The following ACYP2 variants were observed in gnomAD, a reference collection of about 807,000 sequenced individuals.
The protein encoded by ACYP2 is acylphosphatase 2.
A neutral mutation model predicts 11.2 loss-of-function variants in ACYP2; 12 were observed. The observed-to-expected ratio is 1.08, with a 90% CI of 0.69 to 1.74. The LOEUF (loss-of-function observed/expected upper bound fraction) is 1.74. Ranked by LOEUF, ACYP2 falls within the 40% of genes most tolerant of loss-of-function variation. ACYP2 has a pLI of 0.00. For synonymous variants in ACYP2, 43 were observed against 32.2 expected, an observed-to-expected ratio of 1.33 and a Z score of -1.13; for missense variants, 134 against 101.9, an observed-to-expected ratio of 1.31 and a Z score of -1.35.
chr2:54,148,686 G>A (rs1300801332), intron 6 of ACYP2, among the ~76,000 whole-genome samples: 2 of 152,190 alleles, frequency 1.3e-5, no homozygotes, highest in African/African-American at 4.8e-5. Context: ...GGGAGAAGTT[G>A]TGTAATGACA....
At chr2:54,138,539 T>A in intron 5 of ACYP2, 100 bp from the exon 3 acceptor site, 2 of 861,734 alleles carry the variant, frequency 2.3e-6, no homozygotes, top group East Asian at 5.5e-5. Context: ...CTACAAAAAA[T>A]GATTATTAGG....
chr2:54,012,322 A>G (rs1332037331), intron 2 of ACYP2, among the ~76,000 whole-genome samples: 1 of 151,994 alleles, frequency 6.6e-6, no homozygotes, highest in African/African-American at 2.4e-5. Context: ...TCTGAGAAAC[A>G]TAGCAAGACC....
intron 6 of ACYP2, among the ~76,000 whole-genome samples, chr2:54,241,005 A>C (rs972179020): frequency 1.3e-5 from 2 of 152,102 alleles, no homozygotes; most frequent in Non-Finnish European, 2.9e-5. Flanking sequence ...TTTGCTTATA[A>C]TCTGGCAGCC....
chr2:54,263,793 T>A (rs374631040), intron 6 of ACYP2, among the ~76,000 whole-genome samples: 1 of 152,230 alleles, frequency 6.6e-6, no homozygotes, highest in African/African-American at 2.4e-5. Context: ...AAAATAAATA[T>A]ACCAGAATTT....
intron 4 of ACYP2, among the ~76,000 whole-genome samples, chr2:54,085,905 C>T (rs959486136): frequency 1.3e-5 from 2 of 151,888 alleles, no homozygotes; most frequent in African/African-American, 4.8e-5. Context: ...TATGTATAGC[C>T]TCTGACCTCT....
chr2:54,051,575 G>A (rs1456261538), intron 3 of ACYP2: 4 of 743,424 alleles, frequency 5.4e-6, no homozygotes, highest in Non-Finnish European at 1.0e-5. Flanking sequence ...CATTGGTGAT[G>A]TTGTGAAGAA....
At chr2:54,101,128 C>T (rs1451949324) in intron 4 of ACYP2, among the ~76,000 whole-genome samples, 2 of 152,082 alleles carry the variant, frequency 1.3e-5, no homozygotes, top group Non-Finnish European at 2.9e-5. Flanking sequence ...CATCAATAGC[C>T]CTGTGAGAGA....
chr2:54,093,639 A>T (rs1678351778), intron 4 of ACYP2, among the ~76,000 whole-genome samples: 1 of 152,214 alleles, frequency 6.6e-6, no homozygotes, highest in Non-Finnish European at 1.5e-5. Flanking sequence ...AATAACAATG[A>T]TATTAAATAA....
intron 6 of ACYP2, among the ~76,000 whole-genome samples, chr2:54,288,657 A>G (rs1442509817): frequency 6.6e-6 from 1 of 152,042 alleles, no homozygotes; most frequent in Non-Finnish European, 1.5e-5. Context: ...AAACTTGATC[A>G]TTCCAGAGAG....
intron 6 of ACYP2, among the ~76,000 whole-genome samples, chr2:54,190,478 G>A (rs899116672): frequency 6.6e-5 from 10 of 151,976 alleles, no homozygotes; most frequent in African/African-American, 2.4e-4. Context: ...ACCTCCAAGT[G>A]TTAAGTCCAG....
At chr2:53,984,414 C>T (rs1249113668) in intron 2 of ACYP2, among the ~76,000 whole-genome samples, 3 of 151,664 alleles carry the variant, frequency 2.0e-5, no homozygotes, top group Non-Finnish European at 2.9e-5. Context: ...TCCATCTCTA[C>T]TCAAAATACA....
intron 4 of ACYP2, among the ~76,000 whole-genome samples, chr2:54,127,624 T>A (rs1680611490): frequency 6.6e-6 from 1 of 151,948 alleles, no homozygotes; most frequent in Non-Finnish European, 1.5e-5. Context: ...GGCATGCACC[T>A]GTAGTCCCAG....
At chr2:54,123,644 C>A (rs1007155889) in intron 4 of ACYP2, among the ~76,000 whole-genome samples, 1 of 152,138 alleles carries the variant, frequency 6.6e-6, no homozygotes, top group African/African-American at 2.4e-5. Flanking sequence ...CTTCCTCCAT[C>A]CCCTGGCATG....
At chr2:53,974,687 T>C (rs567961462) in intron 2 of ACYP2, among the ~76,000 whole-genome samples, 1 of 152,330 alleles carries the variant, frequency 6.6e-6, no homozygotes, top group Admixed American at 6.5e-5. Context: ...GACATACTAG[T>C]ATAATAGAAT....
At chr2:54,292,394 G>T (rs1689347816) in intron 6 of ACYP2, among the ~76,000 whole-genome samples, 1 of 151,922 alleles carries the variant, frequency 6.6e-6, no homozygotes, top group Non-Finnish European at 1.5e-5. Flanking sequence ...TCAAAGACTC[G>T]ATATGAAAAA....
intron 4 of ACYP2, among the ~76,000 whole-genome samples, chr2:54,116,699 C>A (rs1258951765): frequency 6.6e-6 from 1 of 152,066 alleles, no homozygotes; most frequent in Non-Finnish European, 1.5e-5. Context: ...GGCAATTTTA[C>A]CTCTATAGAA....
At chr2:54,198,285 G>A (rs1684600743) in intron 6 of ACYP2, among the ~76,000 whole-genome samples, 1 of 152,138 alleles carries the variant, frequency 6.6e-6, no homozygotes, top group African/African-American at 2.4e-5. Context: ...AAAGTGCTGG[G>A]ATTACACGTG....
At chr2:54,199,675 A>G (rs1028688980) in intron 6 of ACYP2, among the ~76,000 whole-genome samples, 1 of 152,244 alleles carries the variant, frequency 6.6e-6, no homozygotes, top group African/African-American at 2.4e-5. Flanking sequence ...ACTTAGGAAG[A>G]TGGAAAAGAC....
chr2:53,973,367 A>G (rs1034923072), intron 1 of ACYP2, among the ~76,000 whole-genome samples: 2 of 152,216 alleles, frequency 1.3e-5, no homozygotes, highest in African/African-American at 2.4e-5. Context: ...AAGCTAAGCC[A>G]TCATATCCCC....
Sources: gnomAD v4.1 joint callset for allele counts (sites outside exome capture counted in the v4.1 genomes callset) on GRCh38, gnomAD v4.1.1 for gene constraint, MANE v1.5 for transcripts, NCBI Gene and HGNC (gene_info 2026-07-23, HGNC 2026-07-21) for gene names.